PTPRD: variants seen among roughly 807,000 people sequenced by gnomAD.
The protein encoded by PTPRD is protein tyrosine phosphatase receptor type D.
A neutral mutation model predicts 214.5 loss-of-function variants in PTPRD; 34 were observed. That is an observed-to-expected ratio of 0.16 (90% CI 0.12 to 0.21). The LOEUF (loss-of-function observed/expected upper bound fraction) is 0.21. PTPRD is among the 10% of genes least tolerant of loss of function. The pLI, the probability that PTPRD is intolerant of heterozygous loss-of-function variation, is 1.00. For missense variants in PTPRD, 2,545 were observed against 2,398.7 expected, an observed-to-expected ratio of 1.06 and a Z score of -1.27; for synonymous variants, 1,128 against 845.7, an observed-to-expected ratio of 1.33 and a Z score of -5.79.
chr9:10,396,588 G>A (rs1399969377), intron 2 of PTPRD, among the ~76,000 whole-genome samples: 2 of 151,982 alleles, frequency 1.3e-5, no homozygotes, highest in African/African-American at 4.8e-5. Context: ...GAGAGACAGT[G>A]TAACTGAAAT....
intron 2 of PTPRD, among the ~76,000 whole-genome samples, chr9:10,401,534 T>A (rs981908860): frequency 6.6e-6 from 1 of 150,720 alleles, no homozygotes; most frequent in Non-Finnish European, 1.5e-5. Context: ...GTATATATAG[T>A]ATATCTGTGG....
chr9:8,923,620 G>T (rs566056633), intron 11 of PTPRD, among the ~76,000 whole-genome samples: 2 of 151,824 alleles, frequency 1.3e-5, no homozygotes, highest in African/African-American at 2.4e-5. Context: ...TTTTAAAAAT[G>T]CAAAAAAAAG....
intron 9 of PTPRD, among the ~76,000 whole-genome samples, chr9:9,347,054 C>G (rs2049109474): frequency 6.6e-6 from 1 of 152,040 alleles, no homozygotes; most frequent in African/African-American, 2.4e-5. Context: ...GTAACCTTAA[C>G]ACTTTGGGAA....
intron 2 of PTPRD, among the ~76,000 whole-genome samples, chr9:10,417,756 G>A (rs2098506170): frequency 1.3e-5 from 2 of 151,754 alleles, no homozygotes; most frequent in African/African-American, 4.8e-5. Context: ...AGAAAACTGG[G>A]ACCTAAGACA....
chr9:8,859,442 G>A (rs1321054703), intron 11 of PTPRD, among the ~76,000 whole-genome samples: 2 of 152,134 alleles, frequency 1.3e-5, no homozygotes, highest in Non-Finnish European at 2.9e-5. Flanking sequence ...ATTGGCAGTT[G>A]GCCCATCAAA....
At chr9:10,569,980 G>A (rs1162887573) in intron 2 of PTPRD, among the ~76,000 whole-genome samples, 1 of 151,968 alleles carries the variant, frequency 6.6e-6, no homozygotes, top group South Asian at 2.1e-4. Context: ...TATAAAATAA[G>A]CCAACCTTAA....
intron 4 of PTPRD, among the ~76,000 whole-genome samples, chr9:9,992,765 A>G (rs1253247557): frequency 6.6e-6 from 1 of 151,564 alleles, no homozygotes; most frequent in African/African-American, 2.4e-5. Context: ...ACACATGGAC[A>G]CAGGGTGGGG....
At chr9:10,554,788 G>C (rs1182615616) in intron 2 of PTPRD, among the ~76,000 whole-genome samples, 1 of 152,056 alleles carries the variant, frequency 6.6e-6, no homozygotes, top group Non-Finnish European at 1.5e-5. Flanking sequence ...AGCCTCCCGA[G>C]TAGCTGGGAC....
At chr9:10,263,914 G>C (rs1303670350) in intron 3 of PTPRD, among the ~76,000 whole-genome samples, 1 of 152,094 alleles carries the variant, frequency 6.6e-6, no homozygotes, top group Non-Finnish European at 1.5e-5. Context: ...CTAGGGACTT[G>C]GTGTTCTGCA....
At chr9:9,322,087 C>T (rs1966841298) in intron 9 of PTPRD, among the ~76,000 whole-genome samples, 1 of 152,162 alleles carries the variant, frequency 6.6e-6, no homozygotes, top group African/African-American at 2.4e-5. Flanking sequence ...ATTTTAATTA[C>T]ACAAGGCTCT....
chr9:10,505,329 T>C (rs1023333693), intron 2 of PTPRD, among the ~76,000 whole-genome samples: 2 of 152,164 alleles, frequency 1.3e-5, no homozygotes, highest in African/African-American at 4.8e-5. Flanking sequence ...ATATATGATA[T>C]TTTCAGCTGG....
intron 10 of PTPRD, among the ~76,000 whole-genome samples, chr9:9,065,696 A>T (rs2099728394): frequency 6.6e-6 from 1 of 152,200 alleles, no homozygotes; most frequent in Admixed American, 6.5e-5. Flanking sequence ...ATGATGGCTT[A>T]GATCAGAGTT....
At chr9:10,238,179 C>T (rs1426340796) in intron 3 of PTPRD, among the ~76,000 whole-genome samples, 2 of 116,602 alleles carry the variant, frequency 1.7e-5, no homozygotes, top group African/African-American at 2.7e-5. Context: ...CATACCTGCT[C>T]TAAAGGACAG....
chr9:8,594,822 T>C (rs1334679141), intron 14 of PTPRD, among the ~76,000 whole-genome samples: 1 of 151,960 alleles, frequency 6.6e-6, no homozygotes, highest in Admixed American at 6.6e-5. Flanking sequence ...AGTATTTCTT[T>C]ATAGCAGTAT....
intron 12 of PTPRD, among the ~76,000 whole-genome samples, chr9:8,646,715 T>G (rs150636244): frequency 1.3e-5 from 2 of 152,210 alleles, no homozygotes; most frequent in Admixed American, 6.5e-5. Context: ...TATATTTCAT[T>G]ATAGTTATTT....
At chr9:8,324,101 A>AT (rs200231613) in intron 44 of PTPRD, among the ~76,000 whole-genome samples, 33,257 of 145,386 alleles carry the variant, frequency 0.23, 4,186 homozygotes, top group East Asian at 0.38. Context: ...GATGATTAGC[A>AT]TTTTTTTTTT....
chr9:9,632,968 A>G (rs1006740512), intron 7 of PTPRD, among the ~76,000 whole-genome samples: 6 of 152,064 alleles, frequency 3.9e-5, no homozygotes, highest in African/African-American at 1.4e-4. Flanking sequence ...ATTATAGCCA[A>G]ATGGGAAGGT....
intron 3 of PTPRD, among the ~76,000 whole-genome samples, chr9:10,064,556 C>T (rs1447726072): frequency 6.6e-6 from 1 of 151,880 alleles, no homozygotes; most frequent in Non-Finnish European, 1.5e-5. Context: ...ACCATCATCA[C>T]AAATTCTACA....
At chr9:9,555,177 T>A (rs2081224700) in intron 8 of PTPRD, among the ~76,000 whole-genome samples, 1 of 152,050 alleles carries the variant, frequency 6.6e-6, no homozygotes, top group South Asian at 2.1e-4. Context: ...AATATGTTCA[T>A]TTTTTTACAT....
Sources: gnomAD v4.1 joint callset for allele counts (sites outside exome capture counted in the v4.1 genomes callset) on GRCh38, gnomAD v4.1.1 for gene constraint, MANE v1.5 for transcripts, NCBI Gene and HGNC (gene_info 2026-07-23, HGNC 2026-07-21) for gene names.